SMAD9: variants seen among roughly 807,000 people sequenced by gnomAD.
SMAD9 encodes SMAD family member 9.
SMAD9 carries 36 observed loss-of-function variants against 46.1 expected under a neutral mutation model. The observed-to-expected ratio is 0.78, with a 90% CI of 0.60 to 1.03. SMAD9 has a LOEUF of 1.03. Ranked by LOEUF, SMAD9 falls within the 50% of genes least tolerant of loss-of-function variation. The probability of loss-of-function intolerance (pLI) is 0.00; values close to 1 mark genes in which losing one functional copy is unlikely to be tolerated. For synonymous variants in SMAD9, 245 were observed against 237.1 expected, an observed-to-expected ratio of 1.03 and a Z score of -0.31; for missense variants, 572 against 599.8, an observed-to-expected ratio of 0.95 and a Z score of 0.48.
chr13:36,856,638 G>A (rs1030711352), intron 5 of SMAD9, among the ~76,000 whole-genome samples: 2 of 152,150 alleles, frequency 1.3e-5, no homozygotes, highest in Non-Finnish European at 2.9e-5. Context: ...CATCCATTTG[G>A]TAGGCCAGAA....
At chr13:36,863,889 G>A (rs772660603) in intron 5 of SMAD9, among the ~76,000 whole-genome samples, 5 of 152,030 alleles carry the variant, frequency 3.3e-5, no homozygotes, top group Non-Finnish European at 4.4e-5. Context: ...TTCCTTTATA[G>A]CAGTGAAACA....
In SMAD9 at chr13:36,879,381, G is replaced by A. The variant is rs751501850; in HGVS notation, c.309C>T (p.Ser103=). ...ACTCCAGCGGCTTCAGCTCGTGGTGGGACTGCAGATCCGGCCAGCGCCACA... is the reference window on the plus strand; with the variant it reads ...ACTCCAGCGGCTTCAGCTCGTGGTGAGACTGCAGATCCGGCCAGCGCCACA... ...CRVWRWPDLQ[S]HHELKPLECC... is the part of the protein sequence containing the mutation. The change falls in exon 2 of 7, where the codon TCC becomes TCT. Residue 103 remains serine, a synonymous_variant. Transcript: ENST00000379826. The A allele has an allele frequency of 1.9e-6, 3 of 1,614,118 alleles. No individual in the cohort carries two copies. The highest frequency in any genetic ancestry group is 2.2e-5 in the South Asian group (2 of 91,090).
At position 36,853,439 on chromosome 13, in the gene SMAD9, T is replaced by C. The variant is rs764511955; in HGVS notation, c.1240A>G (p.Ile414Val). Residue 414 changes from isoleucine to valine, a missense_variant, in exon 6 of 7, where the codon ATC becomes GTC. Physicochemically the swap from Ile to Val is conservative, Grantham distance 29. Transcript: ENST00000379826. Reference sequence around the variant, plus strand: ...CTTACCTTAACAAAACTCATCCGGATAGTACACATCTTGGTCAGTTCATAC... The same window carrying C: ...CTTACCTTAACAAAACTCATCCGGACAGTACACATCTTGGTCAGTTCATAC... ...VVYELTKMCT[I>V]RMSFVKGWGA... The C allele has an allele frequency of 1.2e-6, 2 of 1,613,866 alleles. No individual in the cohort carries two copies. Among genetic ancestry groups the C allele is most frequent in the Non-Finnish European group, 1.7e-6 (2 of 1,179,832 alleles).
At chr13:36,884,596 T>C (rs1340268432) in intron 1 of SMAD9, among the ~76,000 whole-genome samples, 1 of 152,170 alleles carries the variant, frequency 6.6e-6, no homozygotes, top group Non-Finnish European at 1.5e-5. Context: ...GATTTAAGTG[T>C]ACATGATTCC....
At chr13:36,859,199 A>G (rs1402060833) in intron 5 of SMAD9, among the ~76,000 whole-genome samples, 1 of 152,186 alleles carries the variant, frequency 6.6e-6, no homozygotes, top group Non-Finnish European at 1.5e-5. Context: ...TTTTTTTAAG[A>G]TGAGAAGCCT....
chr13:36,848,635 ATAGCCTCTATCCTATG>A lies in SMAD9; in HGVS notation c.*25_*40del. The A allele has an allele frequency of 1.2e-6, 2 of 1,602,024 alleles. No individual in the cohort carries two copies. The highest frequency in any genetic ancestry group is 2.2e-5 in the South Asian group (2 of 90,828). On this transcript the variant is annotated 3_prime_UTR_variant, in exon 7 of 7. Coordinates refer to ENST00000379826, the MANE Select transcript of SMAD9 (RefSeq NM_001127217.3). ...GAAATGATACAAGCCACTCCCTGCA[ATAGCCTCTATCCTATG>A]GAAATGCAGCTTAAGACATGACTGT...
chr13:36,916,218 T>C (rs958603248), intron 1 of SMAD9, among the ~76,000 whole-genome samples: 3 of 152,236 alleles, frequency 2.0e-5, no homozygotes, highest in African/African-American at 7.2e-5. Flanking sequence ...GGAATCAGCA[T>C]ATCGTGTTAG....
rs149962054 is a variant in SMAD9 at position 36,869,936 on chromosome 13, T to C, written c.671-2553A>G. 5.9e-5 allele frequency among the ~76,000 whole-genome samples: 9 copies of C among 152,276 alleles called. No homozygotes were observed. The East Asian group carries it at 1.7e-3, about 29-fold the overall frequency. On this transcript the variant is annotated intron_variant, in intron 3 of 6. Transcript: ENST00000379826. ...TGAATTGTACATTTGAAATGGGTGGTTGTATGGTATGTGAATTATACCTCA... is the reference window on the plus strand; with the variant it reads ...TGAATTGTACATTTGAAATGGGTGGCTGTATGGTATGTGAATTATACCTCA...
intron 2 of SMAD9, among the ~76,000 whole-genome samples, chr13:36,873,855 C>T (rs1403616949): frequency 1.3e-5 from 2 of 152,122 alleles, no homozygotes; most frequent in Non-Finnish European, 2.9e-5. Context: ...AAGAGTGAAA[C>T]TCTGTCTCAA....
chr13:36,897,840 G>C (rs1457437949), intron 1 of SMAD9, among the ~76,000 whole-genome samples: 2 of 143,206 alleles, frequency 1.4e-5, no homozygotes, highest in Admixed American at 1.4e-4. Context: ...TAACAGAAAT[G>C]TCCTGTGTCT....
At chr13:36,862,202 G>A (rs1323524042) in intron 5 of SMAD9, among the ~76,000 whole-genome samples, 1 of 151,960 alleles carries the variant, frequency 6.6e-6, no homozygotes, top group African/African-American at 2.4e-5. Context: ...CTTGAATAGG[G>A]GCTGAGTAAA....
intron 3 of SMAD9, 109 bp from the exon 4 acceptor site, chr13:36,867,492 A>C (rs950471300): frequency 3.0e-6 from 2 of 665,292 alleles, no homozygotes; most frequent in African/African-American, 3.6e-5. Context: ...GGACAGTGCT[A>C]CTCCTACAGA....
intron 1 of SMAD9, among the ~76,000 whole-genome samples, chr13:36,918,165 A>AT (rs1190683462): frequency 6.6e-6 from 1 of 152,232 alleles, no homozygotes; most frequent in African/African-American, 2.4e-5. Context: ...AGTTAAAAAA[A>AT]TTTTTTAAAG....
In SMAD9 at chr13:36,867,703, T is replaced by C. The variant is rs1414504287; in HGVS notation, c.671-320A>G. Among the ~76,000 whole-genome samples the C allele has an allele frequency of 3.9e-5, 6 of 152,200 alleles. No individual in the cohort carries two copies. The East Asian group carries it at 1.2e-3, about 29-fold the overall frequency. On this transcript the variant is annotated intron_variant, in intron 3 of 6. Transcript: ENST00000379826. ...CCTAGCTTTTCTCATAGCAGAATAG[T>C]CTGTGATCTGGCTTGCAAAACACAG...
At chr13:36,908,336 ATAAT>A (rs1364342860) in intron 1 of SMAD9, among the ~76,000 whole-genome samples, 4 of 152,222 alleles carry the variant, frequency 2.6e-5, no homozygotes, top group Non-Finnish European at 4.4e-5. Flanking sequence ...GTCAAAACAA[ATAAT>A]TAAATACAAC....
intron 5 of SMAD9, among the ~76,000 whole-genome samples, chr13:36,857,557 T>C (rs2058138737): frequency 6.6e-6 from 1 of 152,142 alleles, no homozygotes. Flanking sequence ...TGGGTTTAAT[T>C]TGGGTTTGCT....
chr13:36,864,981 G>T (rs2058217714), intron 5 of SMAD9, among the ~76,000 whole-genome samples: 1 of 152,164 alleles, frequency 6.6e-6, no homozygotes, highest in Non-Finnish European at 1.5e-5. Context: ...TCAGACCAAT[G>T]AGATGGGCTT....
chr13:36,884,962 A>G (rs1395924462), intron 1 of SMAD9, among the ~76,000 whole-genome samples: 2 of 152,246 alleles, frequency 1.3e-5, no homozygotes, highest in Non-Finnish European at 2.9e-5. Flanking sequence ...GGCCTAGTCC[A>G]GAAACAATCA....
At chr13:36,917,930 T>C (rs904523056) in intron 1 of SMAD9, among the ~76,000 whole-genome samples, 2 of 152,238 alleles carry the variant, frequency 1.3e-5, no homozygotes, top group Non-Finnish European at 2.9e-5. Context: ...TTGAATATTT[T>C]CATCTTTATG....
Sources: allele counts gnomAD v4.1 joint callset (sites outside exome capture counted in the v4.1 genomes callset), GRCh38; gene constraint gnomAD v4.1.1; transcripts MANE v1.5; gene names NCBI Gene and HGNC (gene_info 2026-07-23, HGNC 2026-07-21).